Variants in BDNF observed in about 807,000 individuals in gnomAD.
BDNF encodes the protein brain derived neurotrophic factor.
In BDNF, 1 loss-of-function variant was observed where a neutral mutation model predicts 19.5. The ratio of observed to expected loss-of-function variants is 0.05; its 90% CI spans 0.02 to 0.24. The LOEUF (loss-of-function observed/expected upper bound fraction) is 0.24, where lower values mean the gene tolerates loss of function less well. Ranked by LOEUF, BDNF falls within the 10% of genes least tolerant of loss-of-function variation. The probability of loss-of-function intolerance (pLI) is 1.00; values close to 1 mark genes in which losing one functional copy is unlikely to be tolerated. For missense variants in BDNF, 195 were observed against 317.6 expected (o/e 0.61, Z 2.93); for synonymous variants, 100 against 121.6 (o/e 0.82, Z 1.17).
chr11:27,668,693 C>G (rs1483127503), intron 1 of BDNF, among the ~76,000 whole-genome samples: 1 of 152,154 alleles, frequency 6.6e-6, no homozygotes, highest in Non-Finnish European at 1.5e-5. Context: ...CACACACACC[C>G]TCCCAGGACT....
Position 27,658,485 on chromosome 11 carries a change from C to G in BDNF, c.80G>C (p.Arg27Pro). 6.2e-7 allele frequency: 1 copy of G among 1,614,130 alleles called. No homozygotes were observed. Among genetic ancestry groups the G allele is most frequent in the East Asian group, 2.2e-5 (1 of 44,872 alleles). ...KAAPMKEANI[R>P]GQGGLAYPGV... is the part of the protein sequence containing the mutation. ...TGGGTAGGCCAAGCCACCTTGTCCT[C>G]GGATGTTTGCTTCTTTCATGGGGGC... Residue 27 changes from arginine (R) to proline (P), a missense_variant, in exon 2 of 2, where the codon CGA becomes CCA. Transcript: ENST00000356660. The surrounding 1 kb of genome is among the most constrained non-coding windows in gnomAD (Gnocchi z 5.7).
intron 1 of BDNF, among the ~76,000 whole-genome samples, chr11:27,660,918 T>C (rs1010265932): frequency 1.3e-5 from 2 of 152,236 alleles, no homozygotes; most frequent in Non-Finnish European, 2.9e-5. Context: ...GTAATGAGTC[T>C]TTGAATGATA....
upstream of BDNF, among the ~76,000 whole-genome samples, chr11:27,705,266 T>C (rs1036758958): frequency 6.6e-6 from 1 of 152,158 alleles, no homozygotes; most frequent in Admixed American, 6.5e-5. Flanking sequence ...CAGTAATAAA[T>C]AGCTGTGGTA....
At chr11:27,695,207 T>C (rs562228345) in intron 1 of BDNF, among the ~76,000 whole-genome samples, 35 of 152,332 alleles carry the variant, frequency 2.3e-4, no homozygotes, top group African/African-American at 7.9e-4. Context: ...GGTGGCACTA[T>C]TACTTCAATT....
chr11:27,711,457 GA>G (rs1860324966), intron 1 of BDNF, among the ~76,000 whole-genome samples: 1 of 152,214 alleles, frequency 6.6e-6, no homozygotes, highest in African/African-American at 2.4e-5. Flanking sequence ...TCCTGGAAAT[GA>G]ATTGTGAGAC....
chr11:27,674,896 A>G (rs1855879329), intron 1 of BDNF: 1 of 897,006 alleles, frequency 1.1e-6, no homozygotes, highest in Non-Finnish European at 1.3e-6. Flanking sequence ...AATAAGTAAA[A>G]TGTTTCTCTT....
intron 1 of BDNF, among the ~76,000 whole-genome samples, chr11:27,666,541 C>A (rs567929314): frequency 6.6e-6 from 1 of 152,212 alleles, no homozygotes; most frequent in East Asian, 1.9e-4. Flanking sequence ...AAACATTAGA[C>A]GAATGGCTAA....
chr11:27,721,438 T>C (rs376944501), exon 1 of BDNF: 1 of 1,613,788 alleles, frequency 6.2e-7, no homozygotes, highest in Non-Finnish European at 8.5e-7. Context: ...TCCTGGAGAC[T>C]CAAGTGTCTT....
intron 1 of BDNF, among the ~76,000 whole-genome samples, chr11:27,671,014 C>T (rs920549064): frequency 3.9e-5 from 6 of 152,106 alleles, no homozygotes; most frequent in Non-Finnish European, 8.8e-5. Flanking sequence ...ACCAAATGTC[C>T]ATCAGTGAGC....
intron 1 of BDNF, among the ~76,000 whole-genome samples, chr11:27,685,761 A>G (rs191183673): frequency 8.9e-4 from 135 of 151,796 alleles, no homozygotes; most frequent in African/African-American, 3.1e-3. Flanking sequence ...TTGGTCTGAG[A>G]GACTGTTTGT....
intron 1 of BDNF, chr11:27,675,194 C>T (rs926149423): frequency 1.3e-5 from 2 of 152,376 alleles, no homozygotes; most frequent in East Asian, 1.9e-4. Context: ...TTTATTTAAA[C>T]AAAGCCCCAT....
chr11:27,674,759 A>C, intron 1 of BDNF: 1 of 976,850 alleles, frequency 1.0e-6, no homozygotes, highest in Non-Finnish European at 1.2e-6. Flanking sequence ...AGACATGCAA[A>C]CTCAAATACC....
Position 27,658,489 on chromosome 11 carries a change from T to A in BDNF, c.76A>T (p.Ile26Phe). 3.1e-6 allele frequency: 5 copies of A among 1,614,162 alleles called. No individual in the cohort carries two copies. The highest frequency in any genetic ancestry group is 4.2e-6 in the Non-Finnish European group (5 of 1,180,036). The change falls in exon 2 of 2, where the codon ATC becomes TTC. Residue 26 changes from isoleucine (I) to phenylalanine (F), a missense_variant. By Grantham distance (21) the Ile-to-Phe change is conservative. Transcript: ENST00000356660. This position sits in a 1 kb window ranked among gnomAD's most constrained non-coding sequence, Gnocchi z 5.7. ...TAGGCCAAGCCACCTTGTCCTCGGA[T>A]GTTTGCTTCTTTCATGGGGGCAGCC... ...MKAAPMKEAN[I>F]RGQGGLAYPG... is the part of the protein sequence containing the mutation.
chr11:27,691,657 C>A (rs928790019), intron 1 of BDNF, among the ~76,000 whole-genome samples: 2 of 152,118 alleles, frequency 1.3e-5, no homozygotes, highest in Non-Finnish European at 2.9e-5. Context: ...GTGGGCTGCT[C>A]ATCTTATGGT....
chr11:27,693,516 G>A (rs1053626126), intron 1 of BDNF, among the ~76,000 whole-genome samples: 1 of 152,036 alleles, frequency 6.6e-6, no homozygotes, highest in Non-Finnish European at 1.5e-5. Flanking sequence ...TAAGCATATC[G>A]TCTGTGCCTT....
Position 27,690,049 on chromosome 11 carries a change from G to A in BDNF, c.-22+10115C>T, listed in dbSNP as rs899446202. On this transcript the variant is annotated intron_variant, in intron 1 of 1. Coordinates refer to ENST00000356660, the MANE Select transcript of BDNF (RefSeq NM_001709.5). ...GATGTGAAAATCAGAAAAATAATCT[G>A]GTATTTTAGGAAAAGCACTTAAAAT... is the stretch of plus-strand genomic sequence containing the variant. 6.7e-5 allele frequency among the ~76,000 whole-genome samples: 9 copies of A among 135,234 alleles called. No homozygotes were observed. The South Asian group carries it at 3.2e-3, about 49-fold the overall frequency. The allele number at this position is 135,234 out of a possible 152,430, so 88.7% of individuals were successfully genotyped here. A position where few individuals can be genotyped will look rare whatever the true frequency, so the allele number is the denominator to read the frequency against.
Position 27,660,784 on chromosome 11 carries a change from AAAAG to A in BDNF, c.-21-2203_-21-2200del, listed in dbSNP as rs1853334897. On this transcript the variant is annotated intron_variant, in intron 1 of 1. Coordinates refer to ENST00000356660, the MANE Select transcript of BDNF (RefSeq NM_001709.5). ...GAAACTCCATCTCAAAAAAAAAAAA[AAAAG>A]AATTAATGAACTATAGTTTAATACA... is the stretch of plus-strand genomic sequence containing the variant. Among the ~76,000 whole-genome samples the A allele has an allele frequency of 3.9e-5, 6 of 152,206 alleles. No homozygotes were observed. The South Asian group carries it at 1.2e-3, about 32-fold the overall frequency.
At chr11:27,691,472 A>G (rs1858274586) in intron 1 of BDNF, among the ~76,000 whole-genome samples, 1 of 152,236 alleles carries the variant, frequency 6.6e-6, no homozygotes, top group South Asian at 2.1e-4. Flanking sequence ...TTACTTTAAG[A>G]AAAAAGAATT....
chr11:27,663,296 G>C (rs996753763), intron 1 of BDNF, among the ~76,000 whole-genome samples: 3 of 152,150 alleles, frequency 2.0e-5, no homozygotes, highest in African/African-American at 7.2e-5. Flanking sequence ...GTCTAATTCT[G>C]CTTTAAGGCT....
Sources: gnomAD v4.1 joint callset for allele counts (sites outside exome capture counted in the v4.1 genomes callset) on GRCh38, gnomAD v4.1.1 for gene constraint, Gnocchi (gnomAD v3.1) non-coding constraint, MANE v1.5 for transcripts, NCBI Gene and HGNC (gene_info 2026-07-23, HGNC 2026-07-21) for gene names.